ELAVL2: variants seen among roughly 807,000 people sequenced by gnomAD.
ELAVL2 encodes ELAV like RNA binding protein 2.
In ELAVL2, 4 loss-of-function variants were observed where a neutral mutation model predicts 34.6. That is an observed-to-expected ratio of 0.12 (90% CI 0.06 to 0.26). The LOEUF is 0.26. Ranked by LOEUF, ELAVL2 falls within the 10% of genes least tolerant of loss-of-function variation. The pLI, the probability that ELAVL2 is intolerant of heterozygous loss-of-function variation, is 1.00. For synonymous variants in ELAVL2, 193 were observed against 154.8 expected (o/e 1.25, Z -1.83); for missense variants, 432 against 442.8 (o/e 0.98, Z 0.22).
rs564165908 is a variant in ELAVL2 at position 23,736,259 on chromosome 9, G to A, written c.230-5134C>T. On this transcript the variant is annotated intron_variant, in intron 2 of 6. Coordinates refer to ENST00000397312, the MANE Select transcript of ELAVL2 (RefSeq NM_004432.5). Reference sequence around the variant, plus strand: ...ACAAGACCCTCAACACAAAATTGTGGAAAATAAAATTTTGTATTTAAAAAA... The same window carrying A: ...ACAAGACCCTCAACACAAAATTGTGAAAAATAAAATTTTGTATTTAAAAAA... Among the ~76,000 whole-genome samples the A allele has an allele frequency of 9.0e-4, 137 of 151,966 alleles. No individual in the cohort carries two copies. The Middle Eastern group carries it at 0.01, about 11-fold the overall frequency.
intron 2 of ELAVL2, among the ~76,000 whole-genome samples, chr9:23,754,843 C>G (rs1347116886): frequency 2.6e-5 from 4 of 152,074 alleles, no homozygotes; most frequent in Non-Finnish European, 4.4e-5. Context: ...CCTTTTCTCC[C>G]TAAAAGCAGA....
At chr9:23,796,202 C>G (rs140351367) in intron 1 of ELAVL2, among the ~76,000 whole-genome samples, 61 of 152,188 alleles carry the variant, frequency 4.0e-4, no homozygotes, top group African/African-American at 1.4e-3. Context: ...ACATACAACT[C>G]TGGTTCAAGC....
intron 5 of ELAVL2, among the ~76,000 whole-genome samples, chr9:23,693,720 G>A (rs753721702): frequency 2.0e-5 from 3 of 152,168 alleles, no homozygotes; most frequent in African/African-American, 4.8e-5. Context: ...ACACAGTGAC[G>A]GTCATCTGAG....
chr9:23,785,207 T>C (rs903873064), intron 1 of ELAVL2, among the ~76,000 whole-genome samples: 1 of 152,132 alleles, frequency 6.6e-6, no homozygotes. Context: ...GTTGAGGCAG[T>C]AGAGGGAGCC....
At chr9:23,736,278 TA>T (rs1024256029) in intron 2 of ELAVL2, among the ~76,000 whole-genome samples, 1 of 151,880 alleles carries the variant, frequency 6.6e-6, no homozygotes, top group Non-Finnish European at 1.5e-5. Flanking sequence ...ATTTTGTATT[TA>T]AAAAAAACAA....
upstream of ELAVL2, among the ~76,000 whole-genome samples, chr9:23,828,379 T>C (rs1245886237): frequency 6.6e-6 from 1 of 152,178 alleles, no homozygotes; most frequent in Non-Finnish European, 1.5e-5. Flanking sequence ...ATTATATAAG[T>C]GCCTTCTAAC....
chr9:23,803,693 T>A (rs2061850078), intron 1 of ELAVL2, among the ~76,000 whole-genome samples: 1 of 151,024 alleles, frequency 6.6e-6, no homozygotes, highest in South Asian at 2.1e-4. Flanking sequence ...ACTTTTTCCT[T>A]ACATGCTAGG....
At chr9:23,746,954 C>A (rs1301521768) in intron 2 of ELAVL2, among the ~76,000 whole-genome samples, 4 of 151,966 alleles carry the variant, frequency 2.6e-5, no homozygotes, top group Non-Finnish European at 5.9e-5. Flanking sequence ...ACAAAACAAG[C>A]ACCAATTTAG....
At chr9:23,762,797 T>C (rs1381558342) in intron 1 of ELAVL2, among the ~76,000 whole-genome samples, 1 of 152,154 alleles carries the variant, frequency 6.6e-6, no homozygotes, top group Non-Finnish European at 1.5e-5. Flanking sequence ...CTGTTTTGGT[T>C]ACATATTGAA....
At chr9:23,847,852 A>G in the ELAVL2 span, among the ~76,000 whole-genome samples, 1 of 152,058 alleles carries the variant, frequency 6.6e-6, no homozygotes, top group South Asian at 2.1e-4. Context: ...TTAGAAGATA[A>G]TTTTCAATTA....
intron 1 of ELAVL2, among the ~76,000 whole-genome samples, chr9:23,801,850 TCCCA>T (rs1318239591): frequency 1.3e-5 from 2 of 152,244 alleles, no homozygotes; most frequent in East Asian, 3.9e-4. Context: ...GGGAAGGGAC[TCCCA>T]CAGAGTTTTC....
chr9:23,718,530 A>T (rs1212967651), intron 3 of ELAVL2, among the ~76,000 whole-genome samples: 1 of 152,200 alleles, frequency 6.6e-6, no homozygotes, highest in Admixed American at 6.5e-5. Context: ...CAGATTGCTT[A>T]TGGCATTTAA....
chr9:23,748,509 C>A (rs12343914), intron 2 of ELAVL2, among the ~76,000 whole-genome samples: 1,608 of 152,256 alleles, frequency 0.011, 24 homozygotes, highest in African/African-American at 0.036. Flanking sequence ...CATACACCAA[C>A]TGCCTCTTCC....
intron 1 of ELAVL2, among the ~76,000 whole-genome samples, chr9:23,815,892 T>C (rs1032660005): frequency 6.6e-6 from 1 of 152,150 alleles, no homozygotes; most frequent in Admixed American, 6.5e-5. Context: ...AAACAAACTA[T>C]GAGACAGGAA....
intron 3 of ELAVL2, among the ~76,000 whole-genome samples, chr9:23,715,007 C>G (rs776843122): frequency 4.6e-5 from 7 of 152,166 alleles, no homozygotes; most frequent in Non-Finnish European, 1.0e-4. Context: ...CCCAAGTTAA[C>G]AGTATTACCA....
chr9:23,694,873 C>T (rs1001076105), intron 5 of ELAVL2, among the ~76,000 whole-genome samples: 8 of 151,652 alleles, frequency 5.3e-5, no homozygotes, highest in Non-Finnish European at 1.0e-4. Flanking sequence ...GTGCGTGGTG[C>T]GTGTGTGTGT....
At chr9:23,751,144 G>C (rs1437085501) in intron 2 of ELAVL2, among the ~76,000 whole-genome samples, 1 of 152,030 alleles carries the variant, frequency 6.6e-6, no homozygotes, top group South Asian at 2.1e-4. Context: ...GATGGGAGTT[G>C]GGGGTGGTGG....
chr9:23,732,135 C>G (rs1419946311), intron 2 of ELAVL2, among the ~76,000 whole-genome samples: 2 of 152,114 alleles, frequency 1.3e-5, no homozygotes, highest in Non-Finnish European at 2.9e-5. Flanking sequence ...TCCCAGATGC[C>G]CAAGGACGGT....
intron 1 of ELAVL2, among the ~76,000 whole-genome samples, chr9:23,763,113 T>C (rs2055422084): frequency 6.6e-6 from 1 of 152,044 alleles, no homozygotes; most frequent in Non-Finnish European, 1.5e-5. Flanking sequence ...ACAATGTAAA[T>C]ATATCAACTT....
Sources: gnomAD v4.1 joint callset for allele counts (sites outside exome capture counted in the v4.1 genomes callset) on GRCh38, gnomAD v4.1.1 for gene constraint, MANE v1.5 for transcripts, NCBI Gene and HGNC (gene_info 2026-07-23, HGNC 2026-07-21) for gene names.